Variants in C5 observed in about 807,000 individuals in gnomAD.
C5 encodes C3 and PZP-like alpha-2-macroglobulin domain-containing protein 4.
A neutral mutation model predicts 218.8 loss-of-function variants in C5; 140 were observed. The ratio of observed to expected loss-of-function variants is 0.64; its 90% CI spans 0.56 to 0.74. The LOEUF (loss-of-function observed/expected upper bound fraction) is 0.74, where lower values mean the gene tolerates loss of function less well. Among genes scored for constraint, C5 ranks in the 30% least tolerant of loss-of-function variants. The pLI, the probability that C5 is intolerant of heterozygous loss-of-function variation, is 0.00. For synonymous variants in C5, 614 were observed against 682.3 expected (o/e 0.90, Z 1.56); for missense variants, 1,700 against 1,969.6 (o/e 0.86, Z 2.59).
intron 18 of C5, 128 bp downstream of exon 18, chr9:121,008,280 T>C (rs1186101920): frequency 1.4e-6 from 1 of 723,780 alleles, no homozygotes; most frequent in Non-Finnish European, 2.4e-6. Flanking sequence ...AAAACAAAAT[T>C]TGATCAAATT....
chr9:120,979,758 G>A (rs1449637329), intron 28 of C5: 1 of 316,444 alleles, frequency 3.2e-6, no homozygotes, highest in East Asian at 7.9e-5. Context: ...TTCAGTGGTG[G>A]GCACCTGTAG....
intron 22 of C5, among the ~76,000 whole-genome samples, chr9:120,993,714 G>A (rs999662569): frequency 3.3e-5 from 5 of 152,312 alleles, no homozygotes; most frequent in Admixed American, 2.6e-4. Flanking sequence ...GAGCCACCGC[G>A]CCTGGCCGAG....
intron 3 of C5, among the ~76,000 whole-genome samples, chr9:121,040,952 CT>C (rs35536237): frequency 0.46 from 59,785 of 128,884 alleles, 13,970 homozygotes; most frequent in South Asian, 0.73. Context: ...TTTTTTTTCT[CT>C]TTTTTTTTTT....
chr9:121,017,453 A>C lies in C5; in HGVS notation c.1775T>G (p.Met592Arg). Reference protein sequence around the residue: ...YSPGQTVSLNMATGMDSWVAL... With the variant: ...YSPGQTVSLNRATGMDSWVAL... ...CACCCAGGAATCCATTCCAGTTGCCATATTAAGAGACACAGTTTGGCCTGG... is the reference window on the plus strand; with the variant it reads ...CACCCAGGAATCCATTCCAGTTGCCCTATTAAGAGACACAGTTTGGCCTGG... The change falls in exon 14 of 41, where the codon ATG becomes AGG. Residue 592 changes from methionine to arginine, a missense_variant. Coordinates refer to ENST00000223642, the MANE Select transcript of C5 (RefSeq NM_001735.3). 6.2e-7 allele frequency: 1 copy of C among 1,614,044 alleles called. No individual in the cohort carries two copies. Among genetic ancestry groups the C allele is most frequent in the Non-Finnish European group, 8.5e-7 (1 of 1,179,972 alleles).
At chr9:120,980,614 G>A (rs947311942) in intron 27 of C5, among the ~76,000 whole-genome samples, 3 of 151,672 alleles carry the variant, frequency 2.0e-5, no homozygotes, top group South Asian at 2.1e-4. Context: ...TTTTTGAGAC[G>A]GAGTCTCGCT....
In C5 at chr9:120,979,378, T is replaced by C. The variant is rs2046975321; in HGVS notation, c.3658+705A>G. 3.3e-5 allele frequency among the ~76,000 whole-genome samples: 5 copies of C among 152,374 alleles called. No individual in the cohort carries two copies. In the South Asian group the frequency reaches 1.0e-3, roughly 32 times the overall value. The stretch of plus-strand genomic sequence containing the variant: ...CTCACCTTATTTTCTTTCCCTGCTC[T>C]ATTTTTCTTCATATCAGCCATCACC... On this transcript the variant is annotated intron_variant, in intron 28 of 40. Coordinates refer to ENST00000223642, the MANE Select transcript of C5 (RefSeq NM_001735.3).
At chr9:121,015,768 T>C (rs1330252238) in intron 15 of C5, among the ~76,000 whole-genome samples, 2 of 152,212 alleles carry the variant, frequency 1.3e-5, no homozygotes, top group Non-Finnish European at 2.9e-5. Flanking sequence ...GAATGCACAA[T>C]GACACAATGC....
upstream of C5, among the ~76,000 whole-genome samples, chr9:121,053,140 C>G (rs936746555): frequency 6.6e-6 from 1 of 152,096 alleles, no homozygotes; most frequent in African/African-American, 2.4e-5. Flanking sequence ...GTCCAGAGGC[C>G]AGTGGAGAAA....
At chr9:120,981,967 G>T (rs1360366769) in intron 26 of C5, 28 bp from the exon 27 acceptor site, 2 of 1,476,622 alleles carry the variant, frequency 1.4e-6, no homozygotes, top group South Asian at 1.1e-5. Context: ...TTTAAAAGGG[G>T]AGTGAAATGG....
intron 20 of C5, among the ~76,000 whole-genome samples, chr9:121,001,847 T>G (rs1456506417): frequency 6.6e-6 from 1 of 152,134 alleles, no homozygotes; most frequent in Non-Finnish European, 1.5e-5. Flanking sequence ...TTAGCCCAGT[T>G]AGTTCACTCC....
chr9:120,983,867 C>T (rs1035018872), intron 25 of C5, among the ~76,000 whole-genome samples: 10 of 152,036 alleles, frequency 6.6e-5, no homozygotes, highest in Non-Finnish European at 1.3e-4. Context: ...AGTCCCTGTC[C>T]CCCTCCACCT....
intron 23 of C5, 112 bp from the exon 24 acceptor site, chr9:120,989,892 C>A: frequency 1.2e-6 from 1 of 811,294 alleles, no homozygotes. Context: ...TTTATCTAGG[C>A]AGTTGACTTG....
At chr9:121,023,130 A>C (rs914810708) in intron 10 of C5, among the ~76,000 whole-genome samples, 28 of 152,204 alleles carry the variant, frequency 1.8e-4, no homozygotes, top group African/African-American at 6.8e-4. Context: ...TTTACATATA[A>C]TTTAATGCTT....
At chr9:121,070,506 T>C in the C5 span, among the ~76,000 whole-genome samples, 24 of 150,130 alleles carry the variant, frequency 1.6e-4, no homozygotes, top group African/African-American at 5.4e-4. Flanking sequence ...TATTCATATA[T>C]ATATACATAC....
At chr9:121,070,319 T>G in the C5 span, among the ~76,000 whole-genome samples, 1 of 145,388 alleles carries the variant, frequency 6.9e-6, no homozygotes, top group Non-Finnish European at 1.5e-5. Context: ...ATCATGCCAT[T>G]GCACTGCAGC....
chr9:121,041,297 C>CTTTTTTTTTTTTTT lies in C5; in HGVS notation c.421+1693_421+1706dup, dbSNP rs386416117. Among the ~76,000 whole-genome samples, 11 of 72,672 alleles carry CTTTTTTTTTTTTTT rather than the reference C, an allele frequency of 1.5e-4. 1 individual carries two copies. The highest frequency in any genetic ancestry group is 2.2e-4 in the African/African-American group (4 of 18,232). 47.7% of individuals were successfully genotyped at this position (72,672 alleles called of 152,430 possible). ...CTGATAGAGAAATAATACATGAAGC[C>CTTTTTTTTTTTTTT]TTTTTTTTTTTTTTTTTTTTTTGCT... On this transcript the variant is annotated intron_variant, in intron 3 of 40. Transcript: ENST00000223642.
chr9:121,021,406 G>A, intron 11 of C5, 103 bp downstream of exon 11: 1 of 861,332 alleles, frequency 1.2e-6, no homozygotes, highest in Admixed American at 1.9e-5. Context: ...CTGTTCACTG[G>A]ACTCATGTGT....
At chr9:120,984,714 C>CTTT (rs149222003) in intron 25 of C5, among the ~76,000 whole-genome samples, 15 of 69,206 alleles carry the variant, frequency 2.2e-4, no homozygotes, top group South Asian at 1.4e-3. Context: ...TAAGCTCTTA[C>CTTT]TTTTTTTTTT....
At chr9:120,983,386 C>T (rs1050932277) in intron 25 of C5, among the ~76,000 whole-genome samples, 1 of 152,120 alleles carries the variant, frequency 6.6e-6, no homozygotes, top group Non-Finnish European at 1.5e-5. Context: ...CGAAGAGTAT[C>T]AGAGAGGATT....
Sources: allele counts gnomAD v4.1 joint callset (sites outside exome capture counted in the v4.1 genomes callset), GRCh38; gene constraint gnomAD v4.1.1; transcripts MANE v1.5; gene names NCBI Gene and HGNC (gene_info 2026-07-23, HGNC 2026-07-21).